The following GBP4 variants were observed in gnomAD, a reference collection of about 807,000 sequenced individuals.
GBP4 encodes guanylate-binding protein 4.
Under a neutral mutation model 62.2 loss-of-function variants are expected in GBP4, and 69 were observed. The ratio of observed to expected loss-of-function variants is 1.11; its 90% CI spans 0.91 to 1.36. GBP4 has a LOEUF of 1.36. GBP4 is among the 40% of genes most tolerant of loss of function. GBP4 has a pLI of 0.00. For synonymous variants in GBP4, 278 were observed against 274.6 expected, an observed-to-expected ratio of 1.01 and a Z score of -0.12; for missense variants, 697 against 759.3, an observed-to-expected ratio of 0.92 and a Z score of 0.96.
chr1:89,190,381 A>G (rs1220180823), intron 6 of GBP4, 63 bp from the exon 7 acceptor site: 1 of 1,412,574 alleles, frequency 7.1e-7, no homozygotes, highest in Non-Finnish European at 9.5e-7. Flanking sequence ...AAGTTTTAAG[A>G]GTCAGCATTC....
chr1:89,190,062 G>A lies in GBP4; in HGVS notation c.1173C>T (p.Asn391=), dbSNP rs747439654. 1 of 1,611,026 alleles carries A rather than the reference G, an allele frequency of 6.2e-7. No homozygotes were observed. Among genetic ancestry groups the A allele is most frequent in the South Asian group, 1.1e-5 (1 of 90,944 alleles). ...VFMEHSFKDE[N]HEFQKKLVDT... Reference sequence around the variant, plus strand: ...CCACAAGCTTCTTCTGGAATTCATGGTTTTCATCCTTGAAGGAGTGCTCCA... The same window carrying A: ...CCACAAGCTTCTTCTGGAATTCATGATTTTCATCCTTGAAGGAGTGCTCCA... The change falls in exon 7 of 11, where the codon AAC becomes AAT. Residue 391 remains asparagine (N), a synonymous_variant. Coordinates refer to ENST00000355754, the MANE Select transcript of GBP4 (RefSeq NM_052941.5).
Position 89,185,438 on chromosome 1 carries a change from T to G in GBP4, c.1739A>C (p.Gln580Pro). ...TTTATTTAACTGCTCAGATTTCTTT[T>G]GAAATTCTTCCTTAAGCATTTCTTC... ...VQEEMLKEEF[Q>P]KKSEQLNKEI... is the part of the protein sequence containing the mutation. The change falls in exon 11 of 11, where the codon CAA becomes CCA. Residue 580 changes from glutamine to proline, a missense_variant. By Grantham distance (76) the Gln-to-Pro change is moderately conservative. This residue lies in a region of GBP4 where 141 missense variants were observed against 196.6 expected (regional missense o/e 0.72). Transcript: ENST00000355754. 1 of 1,567,218 alleles carries G rather than the reference T, an allele frequency of 6.4e-7. No individual in the cohort carries two copies. Among genetic ancestry groups the G allele is most frequent in the Non-Finnish European group, 8.8e-7 (1 of 1,137,946 alleles).
At position 89,187,077 on chromosome 1, in the gene GBP4, A is replaced by G. The variant is rs1557473037; in HGVS notation, c.1436T>C (p.Leu479Pro). ...VKANEVLQNF[L>P]QSQVVVEESI... Reference sequence around the variant, plus strand: ...TTCCTCTACAACCACCTGTGACTGCAGGAAGTTCTGGAGGACCTCGTTTGC... The same window carrying G: ...TTCCTCTACAACCACCTGTGACTGCGGGAAGTTCTGGAGGACCTCGTTTGC... Residue 479 changes from leucine to proline, a missense_variant, in exon 9 of 11, where the codon CTG (leucine) becomes CCG (proline). Physicochemically the swap from Leu to Pro is moderately conservative, Grantham distance 98. Coordinates refer to ENST00000355754, the MANE Select transcript of GBP4 (RefSeq NM_052941.5). 1.2e-6 allele frequency: 2 copies of G among 1,614,056 alleles called. No homozygotes were observed. The highest frequency in any genetic ancestry group is 2.7e-5 in the African/African-American group (2 of 74,940).
intron 2 of GBP4, among the ~76,000 whole-genome samples, chr1:89,195,685 TA>T (rs1328211839): frequency 1.3e-5 from 2 of 152,038 alleles, no homozygotes; most frequent in East Asian, 3.8e-4. Flanking sequence ...AGTAGGACAT[TA>T]GGGGGAAGAA....
chr1:89,189,113 T>C (rs1648115645), intron 7 of GBP4, among the ~76,000 whole-genome samples: 1 of 152,230 alleles, frequency 6.6e-6, no homozygotes, highest in African/African-American at 2.4e-5. Flanking sequence ...GAATTCTGGC[T>C]GGAAGCAAAA....
At position 89,186,566 on chromosome 1, in the gene GBP4, T is replaced by C. The variant is rs1214571960; in HGVS notation, c.1514-40A>G. On this transcript the variant is annotated intron_variant, in intron 9 of 10. Transcript: ENST00000355754. ...TTTTAGAGAGGGAAGAAAATGACAG[T>C]TATTCCTGAGTTCTACCCTCCTGAG... 3 of 1,585,460 alleles carry C rather than the reference T, an allele frequency of 1.9e-6. No individual in the cohort carries two copies. In the African/African-American group the frequency reaches 4.0e-5, roughly 21 times the overall value.
chr1:89,197,071 G>C, intron 2 of GBP4, 39 bp downstream of exon 2: 1 of 1,555,972 alleles, frequency 6.4e-7, no homozygotes, highest in Middle Eastern at 1.7e-4. Context: ...GTTATCACTG[G>C]TTCCAAGTAA....
chr1:89,197,430 G>T, intron 1 of GBP4, 126 bp from the exon 2 acceptor site: 4 of 612,302 alleles, frequency 6.5e-6, no homozygotes, highest in Non-Finnish European at 1.1e-5. Context: ...ACATTTTAAT[G>T]GTATATAAAT....
chr1:89,185,105 T>C lies in GBP4; in HGVS notation c.*149A>G. On this transcript the variant is annotated 3_prime_UTR_variant, in exon 11 of 11. Coordinates refer to ENST00000355754, the MANE Select transcript of GBP4 (RefSeq NM_052941.5). ...TTTGTTTTTTGTGGATGTCAGGCCCTGATATTCTTTGATAATCACTTTTTA... is the reference window on the plus strand; with the variant it reads ...TTTGTTTTTTGTGGATGTCAGGCCCCGATATTCTTTGATAATCACTTTTTA... 1 of 526,964 alleles carries C rather than the reference T, an allele frequency of 1.9e-6. No homozygotes were observed. Among genetic ancestry groups the C allele is most frequent in the Non-Finnish European group, 3.4e-6 (1 of 297,516 alleles). 32.6% of individuals were successfully genotyped at this position (526,964 alleles called of 1,614,324 possible). A position where few individuals can be genotyped will look rare whatever the true frequency, so the allele number is the denominator to read the frequency against.
chr1:89,188,447 T>C lies in GBP4; in HGVS notation c.1410+135A>G, dbSNP rs1648095404. ...GTGTCTAACTAACTGTGGATTTAAA[T>C]ACTAAAAAACTCAAAATAGCATCAT... is the stretch of plus-strand genomic sequence containing the variant. On this transcript the variant is annotated intron_variant, in intron 8 of 10. Transcript: ENST00000355754. 8.3e-6 allele frequency: 6 copies of C among 718,752 alleles called. No homozygotes were observed. In the South Asian group the frequency reaches 1.0e-4, roughly 13 times the overall value. The allele number at this position is 718,752 out of a possible 1,614,324, so 44.5% of individuals were successfully genotyped here.
chr1:89,186,556 A>C, intron 9 of GBP4, 30 bp from the exon 10 acceptor site: 1 of 1,601,928 alleles, frequency 6.2e-7, no homozygotes, highest in Non-Finnish European at 8.5e-7. Context: ...GAGAGGGAAG[A>C]AAATGACAGT....
Position 89,197,151 on chromosome 1 carries a change from C to T in GBP4, c.194G>A (p.Gly65Glu), listed in dbSNP as rs1322875765. 2.5e-6 allele frequency: 4 copies of T among 1,613,880 alleles called. No individual in the cohort carries two copies. Among genetic ancestry groups the T allele is most frequent in the Non-Finnish European group, 2.5e-6 (3 of 1,179,846 alleles). Residue 65 changes from glycine to glutamate, a missense_variant, in exon 2 of 11, where the codon GGA becomes GAA. Gly to Glu is a moderately conservative substitution (Grantham distance 98). This residue lies in a region of GBP4 where 556 missense variants were observed against 562.7 expected (regional missense o/e 0.99). Transcript: ENST00000355754. Reference sequence around the variant, plus strand: ...AAGACGATTCATGAGATAGGATTTTCCTGTGCGGTATAGCCCTACAATGGC... The same window carrying T: ...AAGACGATTCATGAGATAGGATTTTTCTGTGCGGTATAGCCCTACAATGGC... ...VVAIVGLYRT[G>E]KSYLMNRLAG...
In GBP4 at chr1:89,184,283, G is replaced by T. The variant is rs1647968923; in HGVS notation, c.*971C>A. The T allele has an allele frequency of 6.6e-6, 1 of 152,068 alleles. No individual in the cohort carries two copies. Among genetic ancestry groups the T allele is most frequent in the African/African-American group, 2.4e-5 (1 of 41,388 alleles). 9.4% of individuals were successfully genotyped at this position (152,068 alleles called of 1,614,324 possible). On this transcript the variant is annotated 3_prime_UTR_variant, in exon 11 of 11. Transcript: ENST00000355754. ...GTTTAGCCACTGTGGAAAGCAGGTT[G>T]GTGATTCCTCAAAGAACTCAGAATT...
intron 7 of GBP4, 39 bp downstream of exon 7, chr1:89,189,999 G>A (rs752254198): frequency 3.1e-5 from 48 of 1,565,602 alleles, no homozygotes; most frequent in African/African-American, 6.8e-5. Flanking sequence ...GCATCATTTC[G>A]GAAGGGCAGA....
Position 89,183,826 on chromosome 1 carries a change from C to T in GBP4, c.*1428G>A, listed in dbSNP as rs1352241349. On this transcript the variant is annotated 3_prime_UTR_variant, in exon 11 of 11. Coordinates refer to ENST00000355754, the MANE Select transcript of GBP4 (RefSeq NM_052941.5). ...GCCTGGGAGGTTGAGGCTACAATGACCCATGTTTGTGCTACTGCACTCCAG... is the reference window on the plus strand; with the variant it reads ...GCCTGGGAGGTTGAGGCTACAATGATCCATGTTTGTGCTACTGCACTCCAG... The T allele has an allele frequency of 1.3e-5, 2 of 152,164 alleles. No homozygotes were observed. Among genetic ancestry groups the T allele is most frequent in the Non-Finnish European group, 2.9e-5 (2 of 68,064 alleles). The allele number at this position is 152,164 out of a possible 1,614,324, so 9.4% of individuals were successfully genotyped here.
At chr1:89,191,182 T>C in intron 6 of GBP4, 79 bp downstream of exon 6, 2 of 1,491,378 alleles carry the variant, frequency 1.3e-6, no homozygotes, top group African/African-American at 1.4e-5. Flanking sequence ...AACAATATTA[T>C]TGAAAAACTT....
intron 5 of GBP4, among the ~76,000 whole-genome samples, chr1:89,191,996 C>A (rs12084701): frequency 0.07 from 10,611 of 152,108 alleles, 1,224 homozygotes; most frequent in African/African-American, 0.24. Flanking sequence ...TATTTCAAAA[C>A]CAGAACCCCA....
At position 89,191,357 on chromosome 1, in the gene GBP4, T is replaced by G. The variant is rs374464600; in HGVS notation, c.820A>C (p.Arg274=). ...MDEVPEENLE[R]HFLMQSDNFC... ...TTGTCTGATTGCATAAGGAAATGCC[T>G]TTCCAGATTTTCTTCTGGCACTTCG... Residue 274 remains arginine, a synonymous_variant, in exon 6 of 11, where the codon AGG becomes CGG. Transcript: ENST00000355754. 4.3e-6 allele frequency: 7 copies of G among 1,614,120 alleles called. No individual in the cohort carries two copies. The African/African-American group carries it at 5.3e-5, about 12-fold the overall frequency.
chr1:89,195,533 G>A, intron 2 of GBP4, 109 bp from the exon 3 acceptor site: 1 of 1,348,026 alleles, frequency 7.4e-7, no homozygotes. Flanking sequence ...CAGGGGAAAA[G>A]GGTTGTTTCC....
Sources: allele counts gnomAD v4.1 joint callset (sites outside exome capture counted in the v4.1 genomes callset), GRCh38; gene constraint gnomAD v4.1.1; regional missense constraint gnomAD v4.1.1; transcripts MANE v1.5; gene names NCBI Gene and HGNC (gene_info 2026-07-23, HGNC 2026-07-21).